Variants in NCOR2 observed in about 807,000 individuals in gnomAD.
NCOR2 encodes nuclear receptor corepressor 2.
In NCOR2, 81 loss-of-function variants were observed where a neutral mutation model predicts 262.9. That is an observed-to-expected ratio of 0.31 (90% confidence interval 0.26 to 0.37). NCOR2 has a LOEUF of 0.37. Ranked by LOEUF, NCOR2 falls within the 10% of genes least tolerant of loss-of-function variation. The pLI is 1.00. For missense variants in NCOR2, 3,385 were observed against 3,621.4 expected (o/e 0.93, Z 1.68); for synonymous variants, 1,659 against 1,559.3 (o/e 1.06, Z -1.51).
intron 45 of NCOR2, 91 bp from the exon 48 acceptor site, chr12:124,326,461 G>T: frequency 1.6e-6 from 2 of 1,240,496 alleles, no homozygotes; most frequent in Non-Finnish European, 2.1e-6. Context: ...GTGAGGTCCT[G>T]CCATGGGCCC....
intron 1 of NCOR2, among the ~76,000 whole-genome samples, chr12:124,511,607 C>A (rs1257494454): frequency 6.6e-6 from 1 of 152,138 alleles, no homozygotes; most frequent in Non-Finnish European, 1.5e-5. Context: ...GAGGGGACAG[C>A]GAACAGCAGG....
rs2047556544 is a variant in NCOR2 at position 124,482,634 on chromosome 12, G to A, written c.411+962C>T. On this transcript the variant is annotated intron_variant, in intron 3 of 46. Transcript: ENST00000405201. The surrounding 1 kb of genome is among the most constrained non-coding windows in gnomAD (Gnocchi z 6.3). ...AGAGAGGCACAAAGGCAGCACAGCT[G>A]TGGAGGTGGGGGTGGTGGAAATCGC... Among the ~76,000 whole-genome samples the A allele has an allele frequency of 6.6e-6, 1 of 152,232 alleles. No homozygotes were observed. The highest frequency in any genetic ancestry group is 1.9e-4 in the East Asian group (1 of 5,198).
At chr12:124,394,542 C>T (rs192561373) in intron 16 of NCOR2, among the ~76,000 whole-genome samples, 5 of 152,338 alleles carry the variant, frequency 3.3e-5, no homozygotes, top group African/African-American at 1.2e-4. Flanking sequence ...TGGGGTCATA[C>T]TGGATTGGGG....
At chr12:124,339,848 C>T (rs1259399213) in intron 37 of NCOR2, among the ~76,000 whole-genome samples, 158 bp downstream of exon 39, 1 of 148,108 alleles carries the variant, frequency 6.8e-6, no homozygotes, top group Admixed American at 6.7e-5. Context: ...ACCACCCACC[C>T]ATCCACTACT....
chr12:124,380,272 G>A (rs1402077129), intron 17 of NCOR2, among the ~76,000 whole-genome samples: 1 of 152,224 alleles, frequency 6.6e-6, no homozygotes, highest in Non-Finnish European at 1.5e-5. Context: ...CCAGCCACAG[G>A]CAGGGAGTGG....
chr12:124,413,709 A>G (rs960260165), intron 13 of NCOR2, among the ~76,000 whole-genome samples: 1 of 152,102 alleles, frequency 6.6e-6, no homozygotes, highest in African/African-American at 2.4e-5. Context: ...GTGCTGAGAG[A>G]GCGCAAGAGA....
Position 124,531,874 on chromosome 12 carries a change from C to CA in NCOR2, c.-118+3690dup, listed in dbSNP as rs2050806010. 6.8e-6 allele frequency among the ~76,000 whole-genome samples: 1 copy of CA among 147,044 alleles called. No individual in the cohort carries two copies. Among genetic ancestry groups the CA allele is most frequent in the Admixed American group, 6.8e-5 (1 of 14,600 alleles). On this transcript the variant is annotated intron_variant, in intron 1 of 46. Transcript: ENST00000404621. The surrounding 1 kb of genome is among the most constrained non-coding windows in gnomAD (Gnocchi z 4.5). ...ACCCCAATGTATAGACAATCCCAGA[C>CA]ACCCACCTCCCCACCCCACTCCCAG...
intron 4 of NCOR2, among the ~76,000 whole-genome samples, 153 bp from the exon 7 acceptor site, chr12:124,466,439 G>T (rs1226265206): frequency 1.3e-5 from 2 of 152,278 alleles, no homozygotes; most frequent in East Asian, 3.9e-4. Context: ...TCACCCCAGG[G>T]ACTCCGCACC....
exon 47 of NCOR2, chr12:124,325,118 A>C: frequency 3.5e-5 from 9 of 259,098 alleles, no homozygotes; most frequent in Non-Finnish European, 3.6e-5. Flanking sequence ...TGTGGCTGCC[A>C]CACGCCTGCC....
chr12:124,562,549 C>G (rs13377760), intron 1 of NCOR2, among the ~76,000 whole-genome samples: 6 of 152,336 alleles, frequency 3.9e-5, no homozygotes, highest in African/African-American at 1.4e-4. Flanking sequence ...GCCCACTCTC[C>G]GGGCTGCCCA....
At chr12:124,474,471 C>T (rs377200145) in intron 3 of NCOR2, among the ~76,000 whole-genome samples, 74 of 152,112 alleles carry the variant, frequency 4.9e-4, no homozygotes, top group African/African-American at 1.5e-3. Context: ...TATCCATGGA[C>T]GCCTTCATCC....
chr12:124,426,360 A>C (rs1351950384), intron 11 of NCOR2, among the ~76,000 whole-genome samples: 1 of 152,218 alleles, frequency 6.6e-6, no homozygotes, highest in Non-Finnish European at 1.5e-5. Context: ...TGCATCTAGA[A>C]GCCCCGGAAG....
rs773678863 is a variant in NCOR2, at chr12:124,385,796, G to T, written c.1968C>A (p.Tyr656Ter). 1 of 1,613,936 alleles carries T rather than the reference G, an allele frequency of 6.2e-7. No individual in the cohort carries two copies. The highest frequency in any genetic ancestry group is 1.3e-5 in the African/African-American group (1 of 74,940). The change falls in exon 17 of 47, where the codon TAC (tyrosine) becomes TAA (stop). Residue 656 changes from tyrosine to a stop codon, truncating the protein, a stop_gained. Coordinates refer to ENST00000405201, the Ensembl canonical transcript of NCOR2. LOFTEE classifies it high-confidence loss of function. ...TCTCATCGAGGTTCTGCCTCTTCTTGTAGTTGAAGTAGAAGTTCTTACACT... is the reference window on the plus strand; with the variant it reads ...TCTCATCGAGGTTCTGCCTCTTCTTTTAGTTGAAGTAGAAGTTCTTACACT...
At chr12:124,333,772 G>A (rs1414137224) in intron 41 of NCOR2, among the ~76,000 whole-genome samples, 2 of 152,166 alleles carry the variant, frequency 1.3e-5, no homozygotes, top group African/African-American at 4.8e-5. Flanking sequence ...GGGTGGGGGC[G>A]GGGGTGGGAG....
At chr12:124,447,693 T>C (rs1359566825) in intron 7 of NCOR2, among the ~76,000 whole-genome samples, 1 of 149,602 alleles carries the variant, frequency 6.7e-6, no homozygotes, top group Non-Finnish European at 1.5e-5. Flanking sequence ...CTTTTTTCTT[T>C]CTTTCTTTTT....
At chr12:124,374,453 G>C (rs767565817) in exon 19 of NCOR2, 1 of 1,612,622 alleles carries the variant, frequency 6.2e-7, no homozygotes, top group Admixed American at 1.7e-5. Context: ...CATTCCCAGA[G>C]GCATGTAAGG....
rs973537552 is a variant in NCOR2, at chr12:124,389,142, C to T, written c.1877-3255G>A. On this transcript the variant is annotated intron_variant, in intron 16 of 46. Transcript: ENST00000405201. This position sits in a 1 kb window ranked among gnomAD's most constrained non-coding sequence, Gnocchi z 4.4. ...CAGGTATCACCGGGGCGCAGCGTGC[C>T]GAGCTCCTCCAGCACCAATGTGCCC... Among the ~76,000 whole-genome samples the T allele has an allele frequency of 2.1e-4, 32 of 152,346 alleles. No homozygotes were observed. Among genetic ancestry groups the T allele is most frequent in the Admixed American group, 3.9e-4 (6 of 15,306 alleles).
At chr12:124,384,959 T>G (rs887219929) in intron 17 of NCOR2, among the ~76,000 whole-genome samples, 1 of 152,034 alleles carries the variant, frequency 6.6e-6, no homozygotes, top group Non-Finnish European at 1.5e-5. Flanking sequence ...CAGTCGCACA[T>G]GAGCCTGGCT....
chr12:124,363,888 T>A, intron 20 of NCOR2, 89 bp from the exon 23 acceptor site: 2 of 1,154,212 alleles, frequency 1.7e-6, no homozygotes, highest in Non-Finnish European at 2.2e-6. Flanking sequence ...GCCTCTCCTG[T>A]CTCAAGCCCT....
Sources: gnomAD v4.1 joint callset for allele counts (sites outside exome capture counted in the v4.1 genomes callset) on GRCh38, gnomAD v4.1.1 for gene constraint, Gnocchi (gnomAD v3.1) non-coding constraint, MANE v1.5 for transcripts, NCBI Gene and HGNC (gene_info 2026-07-23, HGNC 2026-07-21) for gene names.